The following ANKRD30B variants were observed in gnomAD, a reference collection of about 807,000 sequenced individuals.
ANKRD30B encodes the protein ankyrin repeat domain-containing protein 30B.
Under a neutral mutation model 202.2 loss-of-function variants are expected in ANKRD30B, and 144 were observed. The observed-to-expected ratio is 0.71, with a 90% confidence interval of 0.62 to 0.82. ANKRD30B has a LOEUF of 0.82. Among genes scored for constraint, ANKRD30B ranks in the 40% least tolerant of loss-of-function variants. ANKRD30B has a pLI of 0.00. For synonymous variants in ANKRD30B, 508 were observed against 561.3 expected (o/e 0.91, Z 1.34); for missense variants, 1,487 against 1,669.1 (o/e 0.89, Z 1.90).
At chr18:14,845,409 T>G (rs1971595306) in intron 39 of ANKRD30B, among the ~76,000 whole-genome samples, 1 of 152,240 alleles carries the variant, frequency 6.6e-6, no homozygotes, top group African/African-American at 2.4e-5. Flanking sequence ...TTTTCACATT[T>G]CAATGAATTT....
At chr18:14,896,757 A>T in the ANKRD30B span, among the ~76,000 whole-genome samples, 1 of 138,208 alleles carries the variant, frequency 7.2e-6, no homozygotes, top group Admixed American at 7.2e-5. Context: ...GGATATGCAG[A>T]CCACTGTTTC....
the ANKRD30B span, among the ~76,000 whole-genome samples, chr18:14,879,274 C>T: frequency 3.9e-5 from 6 of 152,022 alleles, no homozygotes; most frequent in Non-Finnish European, 5.9e-5. Context: ...TCCTGCCCAC[C>T]GAGGTTCTCC....
At position 14,791,909 on chromosome 18, in the gene ANKRD30B, A is replaced by G. The variant is rs540639949; in HGVS notation, c.1825+418A>G. Among the ~76,000 whole-genome samples the G allele has an allele frequency of 2.0e-5, 3 of 152,238 alleles. No individual in the cohort carries two copies. The South Asian group carries it at 6.2e-4, about 32-fold the overall frequency. On this transcript the variant is annotated intron_variant, in intron 16 of 43. Transcript: ENST00000690538. ...AGAAATTTGGGAAGAATGTAAAGTG[A>G]CTTTCTAATGCCAAAACATACCAGA... is the stretch of plus-strand genomic sequence containing the variant.
rs1971380808 is a variant in ANKRD30B at position 14,840,647 on chromosome 18, A to G, written c.3048A>G (p.Lys1016=). 1 of 1,536,420 alleles carries G rather than the reference A, an allele frequency of 6.5e-7. No individual in the cohort carries two copies. The highest frequency in any genetic ancestry group is 8.8e-7 in the Non-Finnish European group (1 of 1,137,852). Residue 1016 remains lysine (K), a synonymous_variant, in exon 37 of 44, where the codon AAA becomes AAG. Transcript: ENST00000690538. ...GTTTACCTGAGGCTACATATCAAAA[A>G]GAAATAAAGACAACAAATGGCAAAA... The part of the protein sequence containing the change: ...YECLPEATYQ[K]EIKTTNGKIE...
At chr18:14,797,968 T>A in intron 20 of ANKRD30B, 114 bp downstream of exon 20, 2 of 1,036,900 alleles carry the variant, frequency 1.9e-6, no homozygotes, top group Non-Finnish European at 2.8e-6. Context: ...TGGGAAAATT[T>A]GATACAAATA....
chr18:14,868,200 G>T, the ANKRD30B span, among the ~76,000 whole-genome samples: 3 of 152,300 alleles, frequency 2.0e-5, no homozygotes, highest in East Asian at 1.9e-4. Context: ...GGCCAGGAAG[G>T]GGGAGTAGGA....
At chr18:14,835,115 T>C (rs1380511960) in intron 34 of ANKRD30B, among the ~76,000 whole-genome samples, 1 of 151,878 alleles carries the variant, frequency 6.6e-6, no homozygotes, top group African/African-American at 2.4e-5. Context: ...TTTAAACTTG[T>C]TATTAAAATT....
At chr18:14,933,553 A>G in the ANKRD30B span, among the ~76,000 whole-genome samples, 1 of 152,042 alleles carries the variant, frequency 6.6e-6, no homozygotes, top group Admixed American at 6.6e-5. Context: ...GCCAGGAAGG[A>G]GGTGGATCCC....
At chr18:14,763,336 C>A (rs1915555278) in intron 6 of ANKRD30B, among the ~76,000 whole-genome samples, 2 of 152,046 alleles carry the variant, frequency 1.3e-5, no homozygotes, top group Admixed American at 1.3e-4. Context: ...ATTGCTTGAG[C>A]TCAGGAATTT....
Position 14,852,362 on chromosome 18 carries a change from A to G in ANKRD30B, c.4418A>G (p.Tyr1473Cys), listed in dbSNP as rs1400921285. ...GAGAAAAATGAGGAGGTATTCAATT[A>G]TGGTAACCATTTAAAAGAACGTATA... ...LNEKNEEVFNYGNHLKERIDQ... is the reference protein window; with the variant it reads ...LNEKNEEVFNCGNHLKERIDQ... Residue 1473 changes from tyrosine to cysteine, a missense_variant, in exon 42 of 44, where the codon TAT becomes TGT. Transcript: ENST00000690538. The G allele has an allele frequency of 1.3e-6, 2 of 1,541,378 alleles. No homozygotes were observed. The highest frequency in any genetic ancestry group is 1.7e-6 in the Non-Finnish European group (2 of 1,144,202).
intron 39 of ANKRD30B, among the ~76,000 whole-genome samples, chr18:14,847,890 T>C (rs55929438): frequency 0.53 from 79,593 of 151,558 alleles, 21,089 homozygotes; most frequent in African/African-American, 0.55. Context: ...TAGGTAGTTT[T>C]CTGGCTTACA....
intron 42 of ANKRD30B, among the ~76,000 whole-genome samples, chr18:14,853,120 T>G (rs1324606231): frequency 6.6e-6 from 1 of 151,940 alleles, no homozygotes; most frequent in Non-Finnish European, 1.5e-5. Flanking sequence ...TATTCATAAT[T>G]TATTTTGAAT....
chr18:14,837,191 CTG>C lies in ANKRD30B; in HGVS notation c.2848-16_2848-15del. On this transcript the variant is annotated intron_variant, in intron 34 of 43. Coordinates refer to ENST00000690538, the MANE Select transcript of ANKRD30B (RefSeq NM_001367607.2). The stretch of plus-strand genomic sequence containing the variant: ...GAAGTTTTTTTTTTGTGTTTGCTTT[CTG>C]TGTTTTGTTTGTAATAGGAGGGAGC... 1 of 1,474,384 alleles carries C rather than the reference CTG, an allele frequency of 6.8e-7. No individual in the cohort carries two copies. Among genetic ancestry groups the C allele is most frequent in the Non-Finnish European group, 9.1e-7 (1 of 1,101,724 alleles). The allele number at this position is 1,474,384 out of a possible 1,614,324, so 91.3% of individuals were successfully genotyped here.
At chr18:14,873,940 C>T in the ANKRD30B span, among the ~76,000 whole-genome samples, 1,802 of 152,218 alleles carry the variant, frequency 0.012, 16 homozygotes, top group Non-Finnish European at 0.017. Context: ...CTTGTTTTCT[C>T]CTGGGGAAAC....
chr18:14,846,696 A>G (rs1171349775), intron 39 of ANKRD30B, among the ~76,000 whole-genome samples: 4 of 151,960 alleles, frequency 2.6e-5, no homozygotes, highest in African/African-American at 9.7e-5. Context: ...ATTGCTGGTA[A>G]TGTTTTTGCT....
intron 4 of ANKRD30B, among the ~76,000 whole-genome samples, chr18:14,755,378 T>C (rs1476543018): frequency 1.3e-5 from 2 of 152,120 alleles, no homozygotes; most frequent in Non-Finnish European, 2.9e-5. Context: ...CTTCTCTTTT[T>C]TATACACTTT....
the ANKRD30B span, among the ~76,000 whole-genome samples, chr18:14,906,985 CA>C: frequency 3.9e-5 from 6 of 152,064 alleles, no homozygotes; most frequent in Non-Finnish European, 5.9e-5. Context: ...TGGTTAAGTT[CA>C]TATAAAGACC....
chr18:14,769,855 T>C (rs1473746729), intron 8 of ANKRD30B, among the ~76,000 whole-genome samples: 1 of 152,236 alleles, frequency 6.6e-6, no homozygotes, highest in Non-Finnish European at 1.5e-5. Flanking sequence ...AACCAGTACC[T>C]TGTTATTATC....
At chr18:14,805,647 A>G (rs1969463401) in intron 24 of ANKRD30B, among the ~76,000 whole-genome samples, 1 of 150,920 alleles carries the variant, frequency 6.6e-6, no homozygotes, top group Non-Finnish European at 1.5e-5. Context: ...GACAGGACAT[A>G]TTAAAGAACA....
Sources: allele counts gnomAD v4.1 joint callset (sites outside exome capture counted in the v4.1 genomes callset), GRCh38; gene constraint gnomAD v4.1.1; transcripts MANE v1.5; gene names NCBI Gene and HGNC (gene_info 2026-07-23, HGNC 2026-07-21).